The following COPS3 variants were observed in gnomAD, a reference collection of about 807,000 sequenced individuals.
COPS3 encodes the protein COP9 signalosome complex subunit 3.
COPS3 carries 10 observed loss-of-function variants against 58.2 expected under a neutral mutation model. The observed-to-expected ratio is 0.17, with a 90% CI of 0.11 to 0.29. The LOEUF is 0.29. Among genes scored for constraint, COPS3 ranks in the 10% least tolerant of loss-of-function variants. COPS3 has a pLI of 1.00. For missense variants in COPS3, 333 were observed against 510.1 expected (o/e 0.65, Z 3.34); for synonymous variants, 187 against 181.7 (o/e 1.03, Z -0.24).
chr17:17,266,515 G>A (rs1028902070), intron 5 of COPS3, among the ~76,000 whole-genome samples: 1 of 151,910 alleles, frequency 6.6e-6, no homozygotes. Flanking sequence ...ATAAATAAAT[G>A]AGGCCAGGCA....
chr17:17,278,878 C>CTT (rs1278820637), intron 1 of COPS3, among the ~76,000 whole-genome samples: 1 of 140,480 alleles, frequency 7.1e-6, no homozygotes, highest in African/African-American at 2.6e-5. Flanking sequence ...TCTTTTTTTT[C>CTT]TTTTTTTTTT....
intron 9 of COPS3, among the ~76,000 whole-genome samples, chr17:17,250,963 G>A (rs1223854613): frequency 6.6e-6 from 1 of 152,116 alleles, no homozygotes; most frequent in African/African-American, 2.4e-5. Context: ...AAATTAACCA[G>A]AACTGGAAAC....
At position 17,247,002 on chromosome 17, in the gene COPS3, A is replaced by T; in HGVS notation, c.*96T>A. ...AACAAAACTTAATTTCTTAGTCTCC[A>T]GGTGACACAGGCTTGGTCCTCTCTG... On this transcript the variant is annotated 3_prime_UTR_variant, in exon 12 of 12. Coordinates refer to ENST00000268717, the MANE Select transcript of COPS3 (RefSeq NM_003653.4). The T allele has an allele frequency of 9.5e-7, 1 of 1,048,602 alleles. No homozygotes were observed. The highest frequency in any genetic ancestry group is 1.5e-6 in the Non-Finnish European group (1 of 664,756). 65.0% of individuals were successfully genotyped at this position (1,048,602 alleles called of 1,614,324 possible).
intron 5 of COPS3, among the ~76,000 whole-genome samples, chr17:17,265,754 T>C (rs536468149): frequency 1.1e-4 from 17 of 152,270 alleles, no homozygotes; most frequent in South Asian, 2.1e-4. Context: ...CTATAGATGA[T>C]TGAGAATAGA....
At chr17:17,268,139 T>A (rs1232754239) in intron 4 of COPS3, 162 bp from the exon 5 acceptor site, 6 of 1,090,776 alleles carry the variant, frequency 5.5e-6, no homozygotes, top group Non-Finnish European at 7.2e-6. Context: ...CCCATTTAAG[T>A]CAGAAAACTT....
intron 1 of COPS3, 120 bp from the exon 2 acceptor site, chr17:17,276,284 T>C: frequency 7.7e-7 from 1 of 1,306,662 alleles, no homozygotes; most frequent in Non-Finnish European, 1.1e-6. Flanking sequence ...TTAATCTCCT[T>C]CACTTCGGAT....
chr17:17,259,900 G>GGA (rs1555618315), intron 8 of COPS3, among the ~76,000 whole-genome samples: 1 of 147,176 alleles, frequency 6.8e-6, no homozygotes, highest in Non-Finnish European at 1.5e-5. Context: ...TGTCAAGAGA[G>GGA]AAAAAAAAAA....
At chr17:17,261,788 T>C (rs914845849) in intron 7 of COPS3, 178 bp downstream of exon 7, 78 of 553,530 alleles carry the variant, frequency 1.4e-4, no homozygotes, top group Non-Finnish European at 2.3e-4. Flanking sequence ...TCCTGAGAAA[T>C]ATTCCATTCC....
chr17:17,276,332 C>G (rs575487884), intron 1 of COPS3, 168 bp from the exon 2 acceptor site: 2 of 773,114 alleles, frequency 2.6e-6, no homozygotes, highest in African/African-American at 3.5e-5. Flanking sequence ...AACAACCTGT[C>G]CGTGGTCTCA....
intron 10 of COPS3, 163 bp from the exon 11 acceptor site, chr17:17,247,723 G>A (rs972588464): frequency 1.7e-6 from 1 of 594,856 alleles, no homozygotes; most frequent in Non-Finnish European, 3.0e-6. Context: ...GACTCAGAAA[G>A]CTAATACATC....
At chr17:17,275,893 G>C in intron 2 of COPS3, 142 bp downstream of exon 2, 2 of 706,042 alleles carry the variant, frequency 2.8e-6, no homozygotes, top group Non-Finnish European at 4.2e-6. Flanking sequence ...AGTGTGCCAA[G>C]AATGTGCCAC....
At chr17:17,250,237 AAT>A (rs1309959860) in intron 9 of COPS3, among the ~76,000 whole-genome samples, 2 of 149,178 alleles carry the variant, frequency 1.3e-5, no homozygotes, top group African/African-American at 4.9e-5. Context: ...GCTGCACTGA[AAT>A]ATAACTTACA....
intron 9 of COPS3, among the ~76,000 whole-genome samples, chr17:17,251,468 T>G (rs2047841989): frequency 1.3e-5 from 2 of 151,844 alleles, no homozygotes; most frequent in African/African-American, 4.8e-5. Flanking sequence ...CTAATTTTTT[T>G]TGTATTTTTA....
intron 8 of COPS3, among the ~76,000 whole-genome samples, chr17:17,257,319 G>A (rs969861300): frequency 4.7e-5 from 7 of 149,966 alleles, no homozygotes; most frequent in African/African-American, 1.7e-4. Flanking sequence ...AGCAAAGATC[G>A]CACCACTGCA....
At chr17:17,248,903 A>T (rs2047779666) in intron 10 of COPS3, 23 bp downstream of exon 10, 1 of 1,403,028 alleles carries the variant, frequency 7.1e-7, no homozygotes, top group East Asian at 2.3e-5. Flanking sequence ...TTAAAAAAAT[A>T]AAAACCTGGC....
chr17:17,267,436 C>T (rs1188329987), intron 5 of COPS3, among the ~76,000 whole-genome samples: 1 of 151,192 alleles, frequency 6.6e-6, no homozygotes, highest in African/African-American at 2.4e-5. Context: ...GTCAGGAGTT[C>T]AACGCCAGCC....
At position 17,256,013 on chromosome 17, in the gene COPS3, CA is replaced by C. The variant is rs771287385; in HGVS notation, c.937-1069del. Among the ~76,000 whole-genome samples the C allele has an allele frequency of 3.2e-3, 360 of 112,822 alleles. 1 individual carries two copies. The highest frequency in any genetic ancestry group is 1.0e-2 in the South Asian group (35 of 3,504). 74.0% of individuals were successfully genotyped at this position (112,822 alleles called of 152,430 possible). A position where few individuals can be genotyped will look rare whatever the true frequency, so the allele number is the denominator to read the frequency against. On this transcript the variant is annotated intron_variant, in intron 8 of 11. Transcript: ENST00000268717. ...TGAAACCCTGTCTCTACTAAAAATA[CA>C]AAAAAAAAAAAAAAATTAGCCGGGC...
At chr17:17,261,908 A>G (rs2048109603) in intron 7 of COPS3, 58 bp downstream of exon 7, 3 of 1,462,312 alleles carry the variant, frequency 2.1e-6, no homozygotes, top group South Asian at 2.6e-5. Flanking sequence ...TATCATTGCA[A>G]TTTCTTTATA....
At position 17,251,158 on chromosome 17, in the gene COPS3, C is replaced by G. The variant is rs542314908; in HGVS notation, c.1024-2119G>C. 1.3e-4 allele frequency among the ~76,000 whole-genome samples: 20 copies of G among 152,180 alleles called. No homozygotes were observed. The East Asian group carries it at 3.7e-3, about 28-fold the overall frequency. ...TACAGGCATCTGCCACCACGCCTGGCTAATTTTTTGTACTTTTAGTAGAGA... is the reference window on the plus strand; with the variant it reads ...TACAGGCATCTGCCACCACGCCTGGGTAATTTTTTGTACTTTTAGTAGAGA... On this transcript the variant is annotated intron_variant, in intron 9 of 11. Transcript: ENST00000268717.
Sources: gnomAD v4.1 joint callset for allele counts (sites outside exome capture counted in the v4.1 genomes callset) on GRCh38, gnomAD v4.1.1 for gene constraint, MANE v1.5 for transcripts, NCBI Gene and HGNC (gene_info 2026-07-23, HGNC 2026-07-21) for gene names.